The following ZNF804B variants were observed in gnomAD, a reference collection of about 807,000 sequenced individuals.
The protein encoded by ZNF804B is zinc finger 804B.
A neutral mutation model predicts 101.4 loss-of-function variants in ZNF804B; 80 were observed. The ratio of observed to expected loss-of-function variants is 0.79; its 90% CI spans 0.66 to 0.95. ZNF804B has a LOEUF of 0.95. Ranked by LOEUF, ZNF804B falls within the 40% of genes least tolerant of loss-of-function variation. The pLI is 0.00. For synonymous variants in ZNF804B, 622 were observed against 558.8 expected, an observed-to-expected ratio of 1.11 and a Z score of -1.59; for missense variants, 1,673 against 1,561.9, an observed-to-expected ratio of 1.07 and a Z score of -1.20.
At chr7:88,859,385 G>T (rs752230392) in intron 1 of ZNF804B, among the ~76,000 whole-genome samples, 1 of 151,856 alleles carries the variant, frequency 6.6e-6, no homozygotes, top group Non-Finnish European at 1.5e-5. Context: ...TTTAATAAAA[G>T]GGCACAAGCT....
intron 1 of ZNF804B, among the ~76,000 whole-genome samples, chr7:89,106,006 T>A (rs752138322): frequency 6.6e-6 from 1 of 152,158 alleles, no homozygotes; most frequent in Non-Finnish European, 1.5e-5. Flanking sequence ...GGAGCTTCCA[T>A]GCTTCCTCAG....
intron 1 of ZNF804B, among the ~76,000 whole-genome samples, chr7:89,188,206 C>T (rs986677328): frequency 6.6e-6 from 1 of 151,932 alleles, no homozygotes; most frequent in African/African-American, 2.4e-5. Context: ...TATTTCAAAC[C>T]CTTTCATTAT....
At chr7:89,203,794 A>G (rs1279688871) in intron 1 of ZNF804B, among the ~76,000 whole-genome samples, 1 of 152,148 alleles carries the variant, frequency 6.6e-6, no homozygotes, top group Non-Finnish European at 1.5e-5. Context: ...TTTGTAATTC[A>G]TCTGACTTGC....
intron 1 of ZNF804B, among the ~76,000 whole-genome samples, chr7:88,871,598 AT>A (rs1441432239): frequency 2.6e-5 from 4 of 152,164 alleles, no homozygotes; most frequent in African/African-American, 9.7e-5. Context: ...CAAACATAAA[AT>A]ATATATTTAA....
chr7:88,935,833 C>T lies in ZNF804B; in HGVS notation c.108+175749C>T, dbSNP rs1487970890. Among the ~76,000 whole-genome samples, 6 of 152,072 alleles carry T rather than the reference C, an allele frequency of 3.9e-5. No homozygotes were observed. The South Asian group carries it at 1.0e-3, about 26-fold the overall frequency. On this transcript the variant is annotated intron_variant, in intron 1 of 3. Coordinates refer to ENST00000333190, the MANE Select transcript of ZNF804B (RefSeq NM_181646.5). ...TCTGTTCAACTACTAATGACAGTTA[C>T]AGGACTGAACCTCCTTAGAATCTCT...
chr7:88,869,647 G>C (rs1174519333), intron 1 of ZNF804B, among the ~76,000 whole-genome samples: 4 of 152,002 alleles, frequency 2.6e-5, no homozygotes, highest in African/African-American at 9.7e-5. Context: ...AGTTTTAATG[G>C]TGGCAATGTT....
chr7:89,125,923 G>C (rs1409724081), intron 1 of ZNF804B, among the ~76,000 whole-genome samples: 1 of 151,992 alleles, frequency 6.6e-6, no homozygotes, highest in Non-Finnish European at 1.5e-5. Flanking sequence ...AGACTGTAGG[G>C]CACTCAAGAA....
At chr7:89,150,783 GA>G (rs1251707486) in intron 1 of ZNF804B, among the ~76,000 whole-genome samples, 2 of 152,208 alleles carry the variant, frequency 1.3e-5, no homozygotes, top group Middle Eastern at 3.4e-3. Context: ...GGAGGGGAAG[GA>G]AAGACAGAGA....
At chr7:89,276,470 A>G (rs867883470) in intron 2 of ZNF804B, among the ~76,000 whole-genome samples, 8 of 151,966 alleles carry the variant, frequency 5.3e-5, no homozygotes, top group Admixed American at 1.3e-4. Context: ...TCACTAAAAT[A>G]TAAACAAAAA....
intron 1 of ZNF804B, among the ~76,000 whole-genome samples, chr7:89,122,346 C>A (rs1790419521): frequency 6.6e-6 from 1 of 152,160 alleles, no homozygotes; most frequent in South Asian, 2.1e-4. Flanking sequence ...CAGAACATTT[C>A]CATTACTGCA....
At chr7:89,022,612 TC>T (rs1420168129) in intron 1 of ZNF804B, among the ~76,000 whole-genome samples, 2 of 152,198 alleles carry the variant, frequency 1.3e-5, no homozygotes, top group Non-Finnish European at 2.9e-5. Context: ...TTTCTGTAAC[TC>T]CCTAGAAAGA....
chr7:89,154,294 T>G (rs1251622060), intron 1 of ZNF804B, among the ~76,000 whole-genome samples: 1 of 152,142 alleles, frequency 6.6e-6, no homozygotes, highest in Non-Finnish European at 1.5e-5. Flanking sequence ...GAATGTCAAT[T>G]AGTACATCCA....
At chr7:89,113,341 A>G (rs2116355182) in intron 1 of ZNF804B, among the ~76,000 whole-genome samples, 1 of 152,318 alleles carries the variant, frequency 6.6e-6, no homozygotes, top group East Asian at 1.9e-4. Flanking sequence ...CTGCACATGT[A>G]ATAAACCTGA....
At chr7:89,282,785 T>C (rs1306872903) in intron 2 of ZNF804B, among the ~76,000 whole-genome samples, 1 of 151,832 alleles carries the variant, frequency 6.6e-6, no homozygotes, top group Non-Finnish European at 1.5e-5. Context: ...GACACTGGAG[T>C]GATGCAGTCA....
intron 1 of ZNF804B, among the ~76,000 whole-genome samples, chr7:88,771,220 C>A (rs1018197054): frequency 1.3e-5 from 2 of 151,554 alleles, no homozygotes; most frequent in African/African-American, 4.8e-5. Context: ...TTTGTGAATT[C>A]CTAGGGAAAA....
rs142766789 is a variant in ZNF804B at position 89,073,910 on chromosome 7, C to T, written c.109-144245C>T. On this transcript the variant is annotated intron_variant, in intron 1 of 3. Coordinates refer to ENST00000333190, the MANE Select transcript of ZNF804B (RefSeq NM_181646.5). ...AGTTCCTCTGATTTTGAGATGATCA[C>T]ATAATACAAGTCAGGGATTTAGCAA... Among the ~76,000 whole-genome samples the T allele has an allele frequency of 4.4e-3, 667 of 152,242 alleles. 30 individuals carry two copies. Among genetic ancestry groups the T allele is most frequent in the Admixed American group, 0.042 (642 of 15,268 alleles).
chr7:89,285,522 C>CAAAAAAAAAAAAAAA (rs778078214), intron 2 of ZNF804B, among the ~76,000 whole-genome samples: 25 of 22,394 alleles, frequency 1.1e-3, no homozygotes, highest in Non-Finnish European at 1.1e-3. Context: ...GACTCTGTCT[C>CAAAAAAAAAAAAAAA]AAAAAAAAAA....
chr7:89,216,576 T>G (rs754904928), intron 1 of ZNF804B, among the ~76,000 whole-genome samples: 1 of 152,210 alleles, frequency 6.6e-6, no homozygotes, highest in African/African-American at 2.4e-5. Context: ...AAATTCTTAC[T>G]TTAACTCTCT....
rs1171836292 is a variant in ZNF804B at position 89,333,670 on chromosome 7, A to G, written c.688A>G (p.Lys230Glu). ...SFTFSKKVHL[K>E]LESSASVFSE... is the part of the protein sequence containing the mutation. ...TACTTTTTCCAAAAAAGTGCACCTA[A>G]AATTAGAATCTTCAGCATCAGTTTT... Residue 230 changes from lysine to glutamate, a missense_variant, in exon 4 of 4, where the codon AAA (lysine) becomes GAA (glutamate). Transcript: ENST00000333190. The G allele has an allele frequency of 6.2e-7, 1 of 1,613,480 alleles. No homozygotes were observed. Among genetic ancestry groups the G allele is most frequent in the Non-Finnish European group, 8.5e-7 (1 of 1,179,666 alleles).
Sources: gnomAD v4.1 joint callset for allele counts (sites outside exome capture counted in the v4.1 genomes callset) on GRCh38, gnomAD v4.1.1 for gene constraint, MANE v1.5 for transcripts, NCBI Gene and HGNC (gene_info 2026-07-23, HGNC 2026-07-21) for gene names.